The following TACR1 variants were observed in gnomAD, a reference collection of about 807,000 sequenced individuals.
TACR1 encodes tachykinin receptor 1, also known as substance-P receptor.
In TACR1, 25 loss-of-function variants were observed where a neutral mutation model predicts 35.8. The observed-to-expected ratio is 0.70, with a 90% CI of 0.51 to 0.98. TACR1 has a LOEUF of 0.98. TACR1 is among the 50% of genes least tolerant of loss of function. The pLI is 0.00. For synonymous variants in TACR1, 195 were observed against 206.7 expected (o/e 0.94, Z 0.48); for missense variants, 478 against 522.9 (o/e 0.91, Z 0.84).
At chr2:75,143,238 G>A (rs1674444743) in intron 1 of TACR1, among the ~76,000 whole-genome samples, 1 of 152,212 alleles carries the variant, frequency 6.6e-6, no homozygotes. Context: ...TGGCCTTGCT[G>A]ATACTGCTAA....
At chr2:75,179,848 C>CT (rs1263354045) in intron 1 of TACR1, among the ~76,000 whole-genome samples, 2 of 152,170 alleles carry the variant, frequency 1.3e-5, no homozygotes, top group African/African-American at 2.4e-5. Flanking sequence ...CTAGAGTAGA[C>CT]TTAGACTGAG....
intron 2 of TACR1, among the ~76,000 whole-genome samples, chr2:75,067,777 G>A (rs1318390186): frequency 6.6e-6 from 1 of 152,164 alleles, no homozygotes; most frequent in Non-Finnish European, 1.5e-5. Context: ...GGGCACATTG[G>A]AGAAGCTAAC....
chr2:75,054,220 T>C (rs1396978278), intron 2 of TACR1, among the ~76,000 whole-genome samples: 1 of 152,224 alleles, frequency 6.6e-6, no homozygotes, highest in Admixed American at 6.5e-5. Context: ...ACACTTATGC[T>C]CAACTTAGTG....
intron 1 of TACR1, among the ~76,000 whole-genome samples, chr2:75,183,424 A>G (rs1675606631): frequency 6.6e-6 from 1 of 152,224 alleles, no homozygotes; most frequent in African/African-American, 2.4e-5. Flanking sequence ...AGATCCTTAA[A>G]TCAACAGCTA....
intron 2 of TACR1, among the ~76,000 whole-genome samples, chr2:75,101,702 C>G (rs1343057038): frequency 6.6e-6 from 1 of 152,126 alleles, no homozygotes; most frequent in East Asian, 1.9e-4. Flanking sequence ...AATCCCAGCA[C>G]TTTGGGAGGC....
At chr2:75,165,136 A>G (rs1240600783) in intron 1 of TACR1, among the ~76,000 whole-genome samples, 1 of 152,174 alleles carries the variant, frequency 6.6e-6, no homozygotes, top group Non-Finnish European at 1.5e-5. Context: ...TTAGATTCCT[A>G]TAACGAAAAC....
At chr2:75,180,375 C>A (rs1308161643) in intron 1 of TACR1, among the ~76,000 whole-genome samples, 1 of 151,984 alleles carries the variant, frequency 6.6e-6, no homozygotes, top group East Asian at 1.9e-4. Context: ...ACTATTTATC[C>A]CTCTCTGTAT....
chr2:75,107,548 G>T (rs1291808016), intron 2 of TACR1, among the ~76,000 whole-genome samples: 1 of 151,710 alleles, frequency 6.6e-6, no homozygotes, highest in African/African-American at 2.4e-5. Context: ...AAGGAAAGAA[G>T]AAAGGAAGGA....
chr2:75,079,356 A>G (rs951682230), intron 2 of TACR1, among the ~76,000 whole-genome samples: 11 of 152,090 alleles, frequency 7.2e-5, no homozygotes, highest in African/African-American at 2.7e-4. Flanking sequence ...TCTCCCTTCC[A>G]ACCCATCTTC....
intron 1 of TACR1, chr2:75,154,385 G>C (rs1029529153): frequency 1.5e-5 from 2 of 137,190 alleles, no homozygotes; most frequent in Admixed American, 7.2e-5. Flanking sequence ...TTGGCCCAGG[G>C]AGATAATCAG....
intron 2 of TACR1, among the ~76,000 whole-genome samples, chr2:75,054,420 C>T (rs1312198649): frequency 1.3e-5 from 2 of 152,196 alleles, no homozygotes; most frequent in Non-Finnish European, 2.9e-5. Context: ...ATTTCTAAGA[C>T]TGGGCTTTAA....
intron 1 of TACR1, among the ~76,000 whole-genome samples, chr2:75,136,634 C>A (rs1674297441): frequency 6.6e-6 from 1 of 152,180 alleles, no homozygotes; most frequent in African/African-American, 2.4e-5. Context: ...CCTGAACCAG[C>A]ATCTCTCAAA....
intron 1 of TACR1, among the ~76,000 whole-genome samples, chr2:75,190,701 G>A (rs1438904272): frequency 1.3e-5 from 2 of 152,090 alleles, no homozygotes; most frequent in Non-Finnish European, 1.5e-5. Flanking sequence ...TTTATCAGTT[G>A]AGGAAACTGG....
At chr2:75,153,148 A>C (rs1572961133) in intron 1 of TACR1, among the ~76,000 whole-genome samples, 1 of 152,094 alleles carries the variant, frequency 6.6e-6, no homozygotes, top group Admixed American at 6.6e-5. Context: ...TGATCTGCCC[A>C]CCTTGGCCTC....
intron 2 of TACR1, among the ~76,000 whole-genome samples, chr2:75,066,946 T>A (rs926494226): frequency 5.3e-5 from 8 of 152,244 alleles, no homozygotes; most frequent in African/African-American, 1.7e-4. Context: ...TAATAATTTC[T>A]GGACTATCTT....
At chr2:75,126,587 G>A (rs977358) in intron 1 of TACR1, among the ~76,000 whole-genome samples, 4 of 152,132 alleles carry the variant, frequency 2.6e-5, no homozygotes, top group Non-Finnish European at 5.9e-5. Context: ...AAGGGACAAA[G>A]ATTTCATTAC....
At chr2:75,108,168 GT>G (rs1215768248) in intron 2 of TACR1, among the ~76,000 whole-genome samples, 1 of 152,206 alleles carries the variant, frequency 6.6e-6, no homozygotes, top group East Asian at 1.9e-4. Context: ...AACAAAGACA[GT>G]TTTTAAAAGC....
At chr2:75,058,605 C>T (rs1236851171) in intron 2 of TACR1, among the ~76,000 whole-genome samples, 1 of 152,168 alleles carries the variant, frequency 6.6e-6, no homozygotes, top group African/African-American at 2.4e-5. Context: ...GAGAACCCAG[C>T]ACCATGATTT....
intron 1 of TACR1, among the ~76,000 whole-genome samples, chr2:75,166,004 C>G (rs1160439443): frequency 6.6e-6 from 1 of 152,202 alleles, no homozygotes; most frequent in African/African-American, 2.4e-5. Context: ...AGTCCTTAAC[C>G]TTTAATTAAA....
Sources: gnomAD v4.1 joint callset for allele counts (sites outside exome capture counted in the v4.1 genomes callset) on GRCh38, gnomAD v4.1.1 for gene constraint, MANE v1.5 for transcripts, NCBI Gene and HGNC (gene_info 2026-07-23, HGNC 2026-07-21) for gene names.